The following TGFB2 variants were observed in gnomAD, a reference collection of about 807,000 sequenced individuals.
The protein encoded by TGFB2 is transforming growth factor beta 2, also known as transforming growth factor beta-2 proprotein.
A neutral mutation model predicts 42.7 loss-of-function variants in TGFB2; 13 were observed. The ratio of observed to expected loss-of-function variants is 0.30; its 90% CI spans 0.20 to 0.48. TGFB2 has a LOEUF of 0.48. Among genes scored for constraint, TGFB2 ranks in the 20% least tolerant of loss-of-function variants. The pLI is 0.99. For synonymous variants in TGFB2, 193 were observed against 193.6 expected, an observed-to-expected ratio of 1.00 and a Z score of 0.03; for missense variants, 390 against 517.5, an observed-to-expected ratio of 0.75 and a Z score of 2.39.
chr1:218,419,833 A>C (rs1208783551), intron 2 of TGFB2, among the ~76,000 whole-genome samples: 2 of 152,220 alleles, frequency 1.3e-5, no homozygotes, highest in Non-Finnish European at 2.9e-5. Flanking sequence ...GATAATAACC[A>C]TGTAGGTAAA....
chr1:218,437,318 TG>T, intron 5 of TGFB2, 24 bp from the exon 6 acceptor site: 6 of 1,529,360 alleles, frequency 3.9e-6, no homozygotes, highest in Non-Finnish European at 4.4e-6. Context: ...AAATCTCCAT[TG>T]CTTTTTTTTT....
intron 2 of TGFB2, among the ~76,000 whole-genome samples, chr1:218,406,192 TAC>T (rs35504165): frequency 0.016 from 2,429 of 148,698 alleles, 47 homozygotes; most frequent in African/African-American, 0.054. Context: ...ACCCACTCAA[TAC>T]ACACACACAC....
chr1:218,375,174 A>G (rs968932124), intron 1 of TGFB2, among the ~76,000 whole-genome samples: 3 of 152,154 alleles, frequency 2.0e-5, no homozygotes, highest in African/African-American at 7.2e-5. Context: ...GCTTTGTATA[A>G]CAGACGGTGG....
chr1:218,435,797 G>A (rs1041254192), intron 4 of TGFB2, among the ~76,000 whole-genome samples, 173 bp from the exon 5 acceptor site: 1 of 152,216 alleles, frequency 6.6e-6, no homozygotes, highest in African/African-American at 2.4e-5. Flanking sequence ...ACGTGGGTTA[G>A]TCGTAGTCCT....
chr1:218,346,670 A>G lies in TGFB2; in HGVS notation c.-32A>G. The stretch of plus-strand genomic sequence containing the variant: ...ATTTCTTTTTTTTATTCTGACTTTT[A>G]AAAACAACTTTTTTTTCCACTTTTT... On this transcript the variant is annotated 5_prime_UTR_variant, in exon 1 of 7. Coordinates refer to ENST00000366930, the MANE Select transcript of TGFB2 (RefSeq NM_003238.6). The surrounding 1 kb of genome is among the most constrained non-coding windows in gnomAD (Gnocchi z 4.9). 6.4e-7 allele frequency: 1 copy of G among 1,552,594 alleles called. No individual in the cohort carries two copies. Among genetic ancestry groups the G allele is most frequent in the Non-Finnish European group, 8.7e-7 (1 of 1,147,516 alleles).
chr1:218,435,799 C>T (rs1003759861), intron 4 of TGFB2, among the ~76,000 whole-genome samples, 171 bp from the exon 5 acceptor site: 2 of 152,192 alleles, frequency 1.3e-5, no homozygotes, highest in Non-Finnish European at 2.9e-5. Flanking sequence ...GTGGGTTAGT[C>T]GTAGTCCTGT....
At chr1:218,386,839 A>C (rs1404166299) in intron 1 of TGFB2, among the ~76,000 whole-genome samples, 1 of 152,244 alleles carries the variant, frequency 6.6e-6, no homozygotes, top group Non-Finnish European at 1.5e-5. Flanking sequence ...CTGAGTACTT[A>C]CTATGTTCAT....
chr1:218,382,609 AT>A (rs945471079), intron 1 of TGFB2, among the ~76,000 whole-genome samples: 2 of 151,770 alleles, frequency 1.3e-5, no homozygotes, highest in African/African-American at 2.4e-5. Flanking sequence ...GGAAAGTGAG[AT>A]TTTTTTTTCT....
At chr1:218,425,187 G>GT (rs914616872) in intron 2 of TGFB2, among the ~76,000 whole-genome samples, 2 of 151,994 alleles carry the variant, frequency 1.3e-5, no homozygotes, top group Admixed American at 6.6e-5. Flanking sequence ...TCAGGCTTCC[G>GT]TTTTTTGTTT....
chr1:218,405,377 T>C (rs1164447902), intron 2 of TGFB2, 45 bp downstream of exon 2: 1 of 1,609,814 alleles, frequency 6.2e-7, no homozygotes, highest in Admixed American at 1.7e-5. Context: ...GTTGTTGTTT[T>C]AGACAGACTC....
chr1:218,357,394 C>T (rs1657074068), intron 1 of TGFB2, among the ~76,000 whole-genome samples: 1 of 152,116 alleles, frequency 6.6e-6, no homozygotes, highest in South Asian at 2.1e-4. Context: ...GAGTTAGCAT[C>T]CTGGCTTTCC....
chr1:218,395,772 T>C (rs113038979), intron 1 of TGFB2, among the ~76,000 whole-genome samples: 22,726 of 151,826 alleles, frequency 0.15, 3,046 homozygotes, highest in African/African-American at 0.36. Flanking sequence ...CCACCACACC[T>C]GGCTAATTTT....
At chr1:218,364,133 G>C (rs1209585182) in intron 1 of TGFB2, among the ~76,000 whole-genome samples, 1 of 152,194 alleles carries the variant, frequency 6.6e-6, no homozygotes, top group African/African-American at 2.4e-5. Flanking sequence ...GAGACCTGTC[G>C]GGGAGTTATG....
chr1:218,405,617 C>A, intron 2 of TGFB2: 1 of 431,642 alleles, frequency 2.3e-6, no homozygotes, highest in South Asian at 2.2e-5. Context: ...AATCTTCCCA[C>A]CTTGGCCTCA....
chr1:218,402,213 C>A (rs911295060), intron 1 of TGFB2, among the ~76,000 whole-genome samples: 5 of 152,208 alleles, frequency 3.3e-5, no homozygotes, highest in African/African-American at 1.2e-4. Flanking sequence ...AGTCCTTTCA[C>A]TGTGTGTGTT....
At chr1:218,347,534 T>C (rs1656728974) in intron 1 of TGFB2, among the ~76,000 whole-genome samples, 1 of 152,202 alleles carries the variant, frequency 6.6e-6, no homozygotes, top group Non-Finnish European at 1.5e-5. Flanking sequence ...ACCTATCAGC[T>C]GGTTCCCCAA....
Position 218,346,122 on chromosome 1 carries a change from G to T in TGFB2, c.-580G>T. The T allele has an allele frequency of 6.5e-6, 1 of 155,004 alleles. No individual in the cohort carries two copies. Among genetic ancestry groups the T allele is most frequent in the Non-Finnish European group, 1.4e-5 (1 of 70,416 alleles). The allele number at this position is 155,004 out of a possible 1,614,324, so 9.6% of individuals were successfully genotyped here. The stretch of plus-strand genomic sequence containing the variant: ...TGCGCTTCTCTGCTCCGGAGCTGCT[G>T]CTGCTCCTGCTCTCAGCGCCGCAGT... On this transcript the variant is annotated 5_prime_UTR_variant, in exon 1 of 7. Coordinates refer to ENST00000366930, the MANE Select transcript of TGFB2 (RefSeq NM_003238.6). The surrounding 1 kb of genome is among the most constrained non-coding windows in gnomAD (Gnocchi z 4.9).
chr1:218,415,414 G>T (rs1000364489), intron 2 of TGFB2, among the ~76,000 whole-genome samples: 1 of 151,970 alleles, frequency 6.6e-6, no homozygotes, highest in African/African-American at 2.4e-5. Context: ...AGATGAGCAG[G>T]CCGGGCGCGG....
chr1:218,404,238 G>C (rs1658830723), intron 1 of TGFB2, among the ~76,000 whole-genome samples: 2 of 152,074 alleles, frequency 1.3e-5, no homozygotes, highest in African/African-American at 4.8e-5. Flanking sequence ...TCAGTCTCCG[G>C]AGTAGATGGG....
Sources: allele counts gnomAD v4.1 joint callset (sites outside exome capture counted in the v4.1 genomes callset), GRCh38; gene constraint gnomAD v4.1.1; non-coding constraint Gnocchi (gnomAD v3.1); transcripts MANE v1.5; gene names NCBI Gene and HGNC (gene_info 2026-07-23, HGNC 2026-07-21).